PHF14: variants seen among roughly 807,000 people sequenced by gnomAD.
PHF14 encodes PHD finger protein 14.
In PHF14, 55 loss-of-function variants were observed where a neutral mutation model predicts 117.9. The observed-to-expected ratio is 0.47, with a 90% confidence interval of 0.38 to 0.58. The LOEUF (loss-of-function observed/expected upper bound fraction) is 0.58. Among genes scored for constraint, PHF14 ranks in the 20% least tolerant of loss-of-function variants. The pLI is 0.00. For missense variants in PHF14, 978 were observed against 1,122.2 expected, an observed-to-expected ratio of 0.87 and a Z score of 1.84; for synonymous variants, 409 against 368.6, an observed-to-expected ratio of 1.11 and a Z score of -1.26.
chr7:11,129,394 A>G (rs937605749), intron 17 of PHF14, among the ~76,000 whole-genome samples: 1 of 152,058 alleles, frequency 6.6e-6, no homozygotes, highest in Non-Finnish European at 1.5e-5. Flanking sequence ...ATTTCTGTTA[A>G]CATTTAATAG....
intron 6 of PHF14, among the ~76,000 whole-genome samples, chr7:11,025,789 C>T (rs1330763501): frequency 2.3e-4 from 35 of 150,254 alleles, no homozygotes; most frequent in African/African-American, 7.4e-4. Context: ...AGCGAGACTC[C>T]GTCTCAAAAA....
chr7:11,164,598 C>T lies in PHF14; in HGVS notation c.2773-4818C>T, dbSNP rs1583516566. Among the ~76,000 whole-genome samples the T allele has an allele frequency of 4.6e-5, 7 of 152,152 alleles. No individual in the cohort carries two copies. In the East Asian group the frequency reaches 1.4e-3, roughly 29 times the overall value. On this transcript the variant is annotated intron_variant, in intron 17 of 17. Transcript: ENST00000634607. ...AATTTAGGAAACTTTCATTAGGTAG[C>T]CATTTTTATTTTCTGTTTCTTTAAT... is the stretch of plus-strand genomic sequence containing the variant.
chr7:10,988,020 A>C (rs1308377048), intron 3 of PHF14, among the ~76,000 whole-genome samples: 1 of 151,048 alleles, frequency 6.6e-6, no homozygotes. Flanking sequence ...CCTTCTCAAA[A>C]AAAAAAAAAA....
intron 17 of PHF14, among the ~76,000 whole-genome samples, chr7:11,132,747 A>G (rs989457738): frequency 6.6e-6 from 1 of 151,422 alleles, no homozygotes; most frequent in African/African-American, 2.4e-5. Flanking sequence ...CCTTTTCTCC[A>G]CCCCCTCACC....
chr7:11,003,830 A>G (rs970750808), intron 4 of PHF14, among the ~76,000 whole-genome samples: 10 of 152,216 alleles, frequency 6.6e-5, no homozygotes, highest in African/African-American at 2.4e-4. Context: ...ATAGGGAATC[A>G]CTGTTAACAA....
At chr7:11,133,797 G>A (rs190703175) in intron 17 of PHF14, among the ~76,000 whole-genome samples, 1 of 152,046 alleles carries the variant, frequency 6.6e-6, no homozygotes, top group Middle Eastern at 3.4e-3. Context: ...ATCATAAAAC[G>A]ATTCCTCCTG....
At chr7:10,992,449 G>A (rs1399134054) in intron 4 of PHF14, among the ~76,000 whole-genome samples, 3 of 150,976 alleles carry the variant, frequency 2.0e-5, no homozygotes, top group Non-Finnish European at 3.0e-5. Flanking sequence ...GATCACCTGA[G>A]GTCAGGAGTT....
chr7:11,114,431 CCT>C (rs1787534409), intron 17 of PHF14, among the ~76,000 whole-genome samples: 1 of 151,916 alleles, frequency 6.6e-6, no homozygotes, highest in Non-Finnish European at 1.5e-5. Context: ...TATCTTTACC[CCT>C]GTCTATTACT....
At chr7:11,095,335 C>G (rs1786806588) in intron 16 of PHF14, among the ~76,000 whole-genome samples, 1 of 152,138 alleles carries the variant, frequency 6.6e-6, no homozygotes, top group South Asian at 2.1e-4. Flanking sequence ...ACTGACAGAG[C>G]TGGGATTTTA....
intron 14 of PHF14, 145 bp from the exon 15 acceptor site, chr7:11,061,646 T>G: frequency 1.2e-5 from 6 of 486,608 alleles, no homozygotes. Context: ...AGTAGTCCAA[T>G]ATAGTATTAA....
chr7:11,102,814 A>C, intron 16 of PHF14: 1 of 1,289,932 alleles, frequency 7.8e-7, no homozygotes, highest in Non-Finnish European at 9.9e-7. Flanking sequence ...TTGTTGAAAA[A>C]TACTGGATAC....
intron 16 of PHF14, among the ~76,000 whole-genome samples, chr7:11,089,835 A>G (rs1000976791): frequency 4.6e-5 from 6 of 130,786 alleles, no homozygotes; most frequent in African/African-American, 1.8e-4. Flanking sequence ...CATTGGCGTG[A>G]TCTTGGCTCA....
chr7:11,042,709 A>G lies in PHF14; in HGVS notation c.2207A>G (p.Asp736Gly), dbSNP rs1341612847. 6.3e-7 allele frequency: 1 copy of G among 1,589,954 alleles called. No homozygotes were observed. Among genetic ancestry groups the G allele is most frequent in the Non-Finnish European group, 8.6e-7 (1 of 1,166,276 alleles). Reference sequence around the variant, plus strand: ...TGTGGGATTTGTAAGAAGAACCATGATCAGCATCTTCTTTTATTGTGTGAT... The same window carrying G: ...TGTGGGATTTGTAAGAAGAACCATGGTCAGCATCTTCTTTTATTGTGTGAT... Reference protein sequence around the residue: ...YSCGICKKNHDQHLLLLCDTC... With the variant: ...YSCGICKKNHGQHLLLLCDTC... The change falls in exon 13 of 18, where the codon GAT (aspartate) becomes GGT (glycine). Residue 736 changes from aspartate (D) to glycine (G), a missense_variant. Physicochemically the swap from Asp to Gly is moderately conservative, Grantham distance 94 (BLOSUM62 -1). Around this residue, in one of 7 missense-constraint regions of PHF14, gnomAD observed 237 missense variants for 276.4 expected, o/e 0.86. Transcript: ENST00000634607.
At chr7:11,113,269 C>T (rs1787500465) in intron 17 of PHF14, among the ~76,000 whole-genome samples, 2 of 151,924 alleles carry the variant, frequency 1.3e-5, no homozygotes, top group African/African-American at 4.8e-5. Flanking sequence ...GGCAAGGGGG[C>T]ATATTTTAGA....
chr7:11,099,045 A>T (rs563352064), intron 16 of PHF14, among the ~76,000 whole-genome samples: 1 of 152,286 alleles, frequency 6.6e-6, no homozygotes, highest in East Asian at 1.9e-4. Context: ...CAGGGAAGAG[A>T]GGTTTAATTT....
In PHF14 at chr7:11,122,344, TATATATATACAC is replaced by T. The variant is rs1199569796; in HGVS notation, c.2772+10879_2772+10890del. Among the ~76,000 whole-genome samples, 49 of 68,476 alleles carry T rather than the reference TATATATATACAC, an allele frequency of 7.2e-4. 2 individuals are homozygous for T. Among genetic ancestry groups the T allele is most frequent in the Admixed American group, 9.8e-4 (6 of 6,116 alleles). 44.9% of individuals were successfully genotyped at this position (68,476 alleles called of 152,430 possible). ...TGTTTGTACTTTTTATATATATATA[TATATATATACAC>T]ACACACACACACACACACACACACA... On this transcript the variant is annotated intron_variant, in intron 17 of 17. Transcript: ENST00000634607.
In PHF14 at chr7:11,022,963, C is replaced by G. The variant is rs763122045; in HGVS notation, c.1301C>G (p.Ser434Cys). ...GTAACACTAACGGAAATGAACTATT[C>G]CAAATATGGTGCCAAGGTGAGACAC... ...RPVTLTEMNY[S>C]KYGAKECSFC... The change falls in exon 6 of 18, where the codon TCC becomes TGC. Residue 434 changes from serine (S) to cysteine (C), a missense_variant. This residue lies in a region of PHF14 where 86 missense variants were observed against 137.8 expected (regional missense o/e 0.62). Coordinates refer to ENST00000634607, the MANE Select transcript of PHF14 (RefSeq NM_001007157.2). 3.1e-6 allele frequency: 5 copies of G among 1,594,828 alleles called. No individual in the cohort carries two copies. The highest frequency in any genetic ancestry group is 4.5e-5 in the East Asian group (2 of 44,648).
intron 17 of PHF14, among the ~76,000 whole-genome samples, chr7:11,152,147 C>A (rs1402665449): frequency 6.6e-6 from 1 of 150,530 alleles, no homozygotes; most frequent in Non-Finnish European, 1.5e-5. Flanking sequence ...TTTAAGATAA[C>A]TGAATAATAA....
intron 4 of PHF14, among the ~76,000 whole-genome samples, chr7:11,008,892 C>T (rs1208483462): frequency 2.0e-5 from 3 of 151,562 alleles, no homozygotes; most frequent in Admixed American, 6.6e-5. Context: ...AAAAATTAGC[C>T]GGGCATGGTG....
Sources: allele counts gnomAD v4.1 joint callset (sites outside exome capture counted in the v4.1 genomes callset), GRCh38; gene constraint gnomAD v4.1.1; regional missense constraint gnomAD v4.1.1; transcripts MANE v1.5; gene names NCBI Gene and HGNC (gene_info 2026-07-23, HGNC 2026-07-21).